SLC6A2: variants seen among roughly 807,000 people sequenced by gnomAD.
SLC6A2 encodes solute carrier family 6 member 2, also known as sodium-dependent noradrenaline transporter.
Under a neutral mutation model 71.7 loss-of-function variants are expected in SLC6A2, and 26 were observed. The observed-to-expected ratio is 0.36, with a 90% confidence interval of 0.27 to 0.50. The LOEUF (loss-of-function observed/expected upper bound fraction) is 0.50, where lower values mean the gene tolerates loss of function less well. SLC6A2 is among the 20% of genes least tolerant of loss of function. The pLI, the probability that SLC6A2 is intolerant of heterozygous loss-of-function variation, is 0.96. For missense variants in SLC6A2, 581 were observed against 803.9 expected (o/e 0.72, Z 3.35); for synonymous variants, 363 against 337.9 (o/e 1.07, Z -0.82).
At chr16:55,698,639 G>A in intron 11 of SLC6A2, 71 bp downstream of exon 11, 1 of 1,075,928 alleles carries the variant, frequency 9.3e-7, no homozygotes, top group Non-Finnish European at 1.4e-6. Flanking sequence ...TGTGCAGGGA[G>A]GCCTTCCATT....
chr16:55,686,660 G>C (rs973569401), intron 5 of SLC6A2, among the ~76,000 whole-genome samples: 1 of 152,166 alleles, frequency 6.6e-6, no homozygotes, highest in African/African-American at 2.4e-5. Flanking sequence ...ATGCCATTGA[G>C]AGCAAAGAAA....
At chr16:55,677,670 T>TTTGTTTG (rs1240940308) in intron 4 of SLC6A2, among the ~76,000 whole-genome samples, 1 of 150,764 alleles carries the variant, frequency 6.6e-6, no homozygotes, top group African/African-American at 2.4e-5. Flanking sequence ...TTGTTTTTTG[T>TTTGTTTG]TTGTTTGTTT....
At chr16:55,678,999 G>A (rs1371845814) in intron 4 of SLC6A2, among the ~76,000 whole-genome samples, 1 of 152,166 alleles carries the variant, frequency 6.6e-6, no homozygotes, top group Non-Finnish European at 1.5e-5. Context: ...TGGGACATCA[G>A]CTGGGCCTGT....
intron 4 of SLC6A2, among the ~76,000 whole-genome samples, chr16:55,679,232 CTT>C (rs761114218): frequency 9.0e-5 from 13 of 144,656 alleles, no homozygotes; most frequent in African/African-American, 7.6e-5. Flanking sequence ...TTTTCTTTTT[CTT>C]TTTTTTTTTT....
At chr16:55,698,633 C>A in intron 11 of SLC6A2, 65 bp downstream of exon 11, 1 of 1,128,806 alleles carries the variant, frequency 8.9e-7, no homozygotes, top group Non-Finnish European at 1.4e-6. Flanking sequence ...TGGAGGTGTG[C>A]AGGGAGGCCT....
At chr16:55,696,462 G>A in intron 9 of SLC6A2, 125 bp downstream of exon 9, 1 of 725,894 alleles carries the variant, frequency 1.4e-6, no homozygotes, top group Middle Eastern at 3.8e-4. Context: ...TTTCCAGAAG[G>A]CCCTATTTAA....
chr16:55,677,542 A>G lies in SLC6A2; in HGVS notation c.644+5367A>G, dbSNP rs530958468. On this transcript the variant is annotated intron_variant, in intron 4 of 14. Coordinates refer to ENST00000568943, the MANE Select transcript of SLC6A2 (RefSeq NM_001172501.3). Reference sequence around the variant, plus strand: ...GAGGTGAGATAGGTTTTGAGACCCTACTTACTTTAATTACAGCCCTAAGCT... The same window carrying G: ...GAGGTGAGATAGGTTTTGAGACCCTGCTTACTTTAATTACAGCCCTAAGCT... Among the ~76,000 whole-genome samples the G allele has an allele frequency of 3.3e-5, 5 of 152,266 alleles. No homozygotes were observed. In the East Asian group the frequency reaches 9.7e-4, roughly 29 times the overall value.
At chr16:55,686,230 A>G (rs762211165) in intron 5 of SLC6A2, among the ~76,000 whole-genome samples, 16 of 152,310 alleles carry the variant, frequency 1.1e-4, no homozygotes, top group South Asian at 6.2e-4. Flanking sequence ...AATATTCTAG[A>G]TGGTGCATAC....
intron 2 of SLC6A2, among the ~76,000 whole-genome samples, chr16:55,659,247 C>G (rs904666969): frequency 6.6e-6 from 1 of 152,140 alleles, no homozygotes; most frequent in African/African-American, 2.4e-5. Context: ...TCCCATTGCT[C>G]TATGTGTTTG....
At chr16:55,667,529 A>G (rs942236223) in intron 2 of SLC6A2, among the ~76,000 whole-genome samples, 2 of 152,226 alleles carry the variant, frequency 1.3e-5, no homozygotes, top group Admixed American at 1.3e-4. Flanking sequence ...ACATCAGCAC[A>G]CCAGCACCAC....
In SLC6A2 at chr16:55,694,102, C is replaced by A; in HGVS notation, c.1011C>A (p.Asn337Lys). The A allele has an allele frequency of 6.3e-7, 1 of 1,586,456 alleles. No individual in the cohort carries two copies. The highest frequency in any genetic ancestry group is 8.7e-7 in the Non-Finnish European group (1 of 1,154,774). The change falls in exon 7 of 15, where the codon AAC (asparagine) becomes AAA (lysine). Residue 337 changes from asparagine (N) to lysine (K), a missense_variant. Asn to Lys is a moderately conservative substitution (Grantham distance 94). Coordinates refer to ENST00000568943, the MANE Select transcript of SLC6A2 (RefSeq NM_001172501.3). ...TTGCCAGTTACAACAAATTTGACAA[C>A]AACTGTTACAGGTAAGATTCTTCTC... Reference protein sequence around the residue: ...IAFASYNKFDNNCYRDALLTS... With the variant: ...IAFASYNKFDKNCYRDALLTS...
chr16:55,691,235 GAGAGAGAGAGAGAGA>G (rs1965614416), intron 5 of SLC6A2, among the ~76,000 whole-genome samples: 8 of 3,070 alleles, frequency 2.6e-3, no homozygotes, highest in Admixed American at 4.9e-3. Flanking sequence ...GAGGGGGAGA[GAGAGAGAGAGAGAGA>G]GAGAGAGAGA....
At chr16:55,699,211 G>A (rs955665770) in intron 11 of SLC6A2, among the ~76,000 whole-genome samples, 1 of 152,150 alleles carries the variant, frequency 6.6e-6, no homozygotes, top group Non-Finnish European at 1.5e-5. Context: ...TGTATGCATA[G>A]TTGTTGTTAT....
At chr16:55,698,750 G>C (rs1422422183) in intron 11 of SLC6A2, among the ~76,000 whole-genome samples, 182 bp downstream of exon 11, 3 of 152,138 alleles carry the variant, frequency 2.0e-5, no homozygotes, top group African/African-American at 7.2e-5. Context: ...CTTAACAGGA[G>C]GCTGCAAAGG....
chr16:55,658,855 G>A (rs1233681343), intron 2 of SLC6A2, among the ~76,000 whole-genome samples: 1 of 152,212 alleles, frequency 6.6e-6, no homozygotes, highest in Non-Finnish European at 1.5e-5. Flanking sequence ...GAGAAAAGGA[G>A]AAGCTAATCC....
At chr16:55,688,544 T>C (rs1323482910) in intron 5 of SLC6A2, among the ~76,000 whole-genome samples, 1 of 152,224 alleles carries the variant, frequency 6.6e-6, no homozygotes, top group Non-Finnish European at 1.5e-5. Flanking sequence ...TGTTTTCAAG[T>C]CAACCTTAGA....
chr16:55,694,072 T>A lies in SLC6A2; in HGVS notation c.981T>A (p.Ile327=). 6.2e-7 allele frequency: 1 copy of A among 1,613,332 alleles called. No homozygotes were observed. The highest frequency in any genetic ancestry group is 1.1e-5 in the South Asian group (1 of 91,058). Residue 327 remains isoleucine (I), a synonymous_variant, in exon 7 of 15, where the codon ATT becomes ATA. Transcript: ENST00000568943. ...FSLGAGFGVL[I]AFASYNKFDN... Reference sequence around the variant, plus strand: ...TGGGGGCTGGATTTGGAGTATTGATTGCATTTGCCAGTTACAACAAATTTG... The same window carrying A: ...TGGGGGCTGGATTTGGAGTATTGATAGCATTTGCCAGTTACAACAAATTTG...
chr16:55,698,187 A>T (rs1965859703), intron 10 of SLC6A2, among the ~76,000 whole-genome samples, 162 bp downstream of exon 10: 1 of 152,098 alleles, frequency 6.6e-6, no homozygotes. Flanking sequence ...TAGGCCCAGT[A>T]GTCTTCTTCC....
intron 4 of SLC6A2, among the ~76,000 whole-genome samples, chr16:55,677,520 G>A (rs1965129252): frequency 1.3e-5 from 2 of 152,156 alleles, no homozygotes; most frequent in Non-Finnish European, 1.5e-5. Flanking sequence ...AGAGGGAGAG[G>A]TGAGATAGGT....
Sources: gnomAD v4.1 joint callset for allele counts (sites outside exome capture counted in the v4.1 genomes callset) on GRCh38, gnomAD v4.1.1 for gene constraint, MANE v1.5 for transcripts, NCBI Gene and HGNC (gene_info 2026-07-23, HGNC 2026-07-21) for gene names.